ZNF169: variants seen among roughly 807,000 people sequenced by gnomAD.
ZNF169 encodes zinc finger protein 169.
A neutral mutation model predicts 12.0 loss-of-function variants in ZNF169; 11 were observed. The ratio of observed to expected loss-of-function variants is 0.92; its 90% confidence interval spans 0.58 to 1.52. ZNF169 has a LOEUF of 1.52. ZNF169 is among the 40% of genes most tolerant of loss of function. ZNF169 has a pLI of 0.00. For missense variants in ZNF169, 722 were observed against 744.0 expected, an observed-to-expected ratio of 0.97 and a Z score of 0.34; for synonymous variants, 302 against 286.5, an observed-to-expected ratio of 1.05 and a Z score of -0.55.
chr9:94,277,502 T>C (rs1587676382), intron 1 of ZNF169, among the ~76,000 whole-genome samples: 1 of 152,206 alleles, frequency 6.6e-6, no homozygotes, highest in East Asian at 1.9e-4. Flanking sequence ...CATTTTGATT[T>C]TCTTCCTTGT....
rs1039886884 is a variant in ZNF169, at chr9:94,269,434, A to G, written c.-55-9324A>G. 7.9e-5 allele frequency among the ~76,000 whole-genome samples: 12 copies of G among 152,298 alleles called. No homozygotes were observed. The East Asian group carries it at 9.6e-4, about 12-fold the overall frequency. On this transcript the variant is annotated intron_variant, in intron 1 of 4. Transcript: ENST00000395395. Reference sequence around the variant, plus strand: ...ATGCTTCCCTAGTAGTGAAAGGGACATGCAGATTTGCGCATGCATGAAACA... The same window carrying G: ...ATGCTTCCCTAGTAGTGAAAGGGACGTGCAGATTTGCGCATGCATGAAACA...
At chr9:94,261,100 G>T (rs112870775) in intron 1 of ZNF169, among the ~76,000 whole-genome samples, 1 of 151,534 alleles carries the variant, frequency 6.6e-6, no homozygotes, top group Admixed American at 6.6e-5. Flanking sequence ...GGGGTGGCGC[G>T]GCGCGATCTC....
chr9:94,274,473 A>G (rs1178943234), intron 1 of ZNF169, among the ~76,000 whole-genome samples: 3 of 152,200 alleles, frequency 2.0e-5, no homozygotes. Flanking sequence ...GTTTTTAAAA[A>G]TATCTTATTG....
intron 2 of ZNF169, among the ~76,000 whole-genome samples, chr9:94,285,424 A>G (rs1367614823): frequency 2.0e-5 from 3 of 152,102 alleles, no homozygotes; most frequent in Admixed American, 6.5e-5. Context: ...AAAAGATATA[A>G]TATTTATATC....
chr9:94,272,010 CAG>C, intron 1 of ZNF169, among the ~76,000 whole-genome samples: 1 of 152,142 alleles, frequency 6.6e-6, no homozygotes, highest in East Asian at 1.9e-4. Context: ...AATATCTTTA[CAG>C]ATGTAGGGCC....
chr9:94,299,752 T>C, intron 4 of ZNF169, 63 bp from the exon 5 acceptor site: 3 of 1,537,280 alleles, frequency 2.0e-6, no homozygotes, highest in East Asian at 2.3e-5. Flanking sequence ...AGAAAACTGC[T>C]GGGCAGGTAT....
chr9:94,264,544 C>T (rs1402040667), intron 1 of ZNF169, among the ~76,000 whole-genome samples: 1 of 152,134 alleles, frequency 6.6e-6, no homozygotes, highest in Non-Finnish European at 1.5e-5. Flanking sequence ...TCCAAGGTTC[C>T]ATTTGGCATA....
At chr9:94,279,087 G>A (rs1331677340) in intron 2 of ZNF169, among the ~76,000 whole-genome samples, 1 of 152,072 alleles carries the variant, frequency 6.6e-6, no homozygotes, top group Non-Finnish European at 1.5e-5. Flanking sequence ...CCATGCTTAT[G>A]TGCCCAGTGA....
At chr9:94,276,278 T>C (rs1355274186) in intron 1 of ZNF169, among the ~76,000 whole-genome samples, 1 of 152,054 alleles carries the variant, frequency 6.6e-6, no homozygotes, top group Non-Finnish European at 1.5e-5. Flanking sequence ...CTTTTTTTTG[T>C]TCTTTGAGAC....
At chr9:94,282,032 T>A (rs888480261) in intron 2 of ZNF169, among the ~76,000 whole-genome samples, 1 of 152,212 alleles carries the variant, frequency 6.6e-6, no homozygotes, top group African/African-American at 2.4e-5. Flanking sequence ...CTCTATAGAA[T>A]GTGGATTTTT....
At chr9:94,275,522 A>T (rs758536071) in intron 1 of ZNF169, among the ~76,000 whole-genome samples, 14 of 152,108 alleles carry the variant, frequency 9.2e-5, no homozygotes, top group Non-Finnish European at 1.6e-4. Context: ...TTCCTGACTT[A>T]TTGTCAGTTC....
intron 2 of ZNF169, among the ~76,000 whole-genome samples, chr9:94,287,147 C>T (rs2118625763): frequency 1.3e-5 from 2 of 152,294 alleles, no homozygotes; most frequent in South Asian, 4.1e-4. Context: ...AGAAACTTGG[C>T]ATCTCAGAAG....
At chr9:94,289,661 G>A (rs184359976) in intron 2 of ZNF169, among the ~76,000 whole-genome samples, 8 of 152,188 alleles carry the variant, frequency 5.3e-5, no homozygotes, top group Admixed American at 2.6e-4. Flanking sequence ...TTGGTGGCAG[G>A]AGCCTGCAAT....
chr9:94,295,055 A>G (rs1001832531), intron 4 of ZNF169: 1 of 152,194 alleles, frequency 6.6e-6, no homozygotes, highest in South Asian at 2.1e-4. Context: ...TGGGGTGGGC[A>G]CAGTGGCTCA....
chr9:94,290,082 C>T (rs1336594651), intron 2 of ZNF169, among the ~76,000 whole-genome samples: 1 of 152,062 alleles, frequency 6.6e-6, no homozygotes, highest in Non-Finnish European at 1.5e-5. Flanking sequence ...TAATTTAAGT[C>T]ATGTAATGTT....
At chr9:94,279,073 A>G (rs1187705035) in intron 2 of ZNF169, among the ~76,000 whole-genome samples, 1 of 152,146 alleles carries the variant, frequency 6.6e-6, no homozygotes, top group Non-Finnish European at 1.5e-5. Flanking sequence ...AAAATACAGG[A>G]CATCCATGCT....
At chr9:94,295,038 A>G (rs1307841835) in intron 4 of ZNF169, 1 of 152,206 alleles carries the variant, frequency 6.6e-6, no homozygotes, top group African/African-American at 2.4e-5. Flanking sequence ...ATTTCGTTAT[A>G]TAAAAATGGG....
chr9:94,293,038 G>A lies in ZNF169; in HGVS notation c.225G>A (p.Glu75=), dbSNP rs764331413. The A allele has an allele frequency of 6.2e-7, 1 of 1,613,500 alleles. No homozygotes were observed. Among genetic ancestry groups the A allele is most frequent in the African/African-American group, 1.3e-5 (1 of 74,926 alleles). Residue 75 remains glutamate, a synonymous_variant, in exon 4 of 5, where the codon GAG becomes GAA. Transcript: ENST00000395395. ...QLEQGDEPWR[E]ENEHLLDLCP... is the part of the protein sequence containing the mutation. ...AGCAAGGCGACGAACCTTGGAGAGA[G>A]GAGAACGAACATCTTCTGGACCTTT...
intron 3 of ZNF169, 26 bp from the exon 4 acceptor site, chr9:94,292,948 C>T (rs1830875014): frequency 6.3e-7 from 1 of 1,589,194 alleles, no homozygotes; most frequent in Non-Finnish European, 8.6e-7. Context: ...CTCAAGATCA[C>T]CTTGGTTTTT....
Sources: gnomAD v4.1 joint callset for allele counts (sites outside exome capture counted in the v4.1 genomes callset) on GRCh38, gnomAD v4.1.1 for gene constraint, MANE v1.5 for transcripts, NCBI Gene and HGNC (gene_info 2026-07-23, HGNC 2026-07-21) for gene names.